The following DDX19B variants were observed in gnomAD, a reference collection of about 807,000 sequenced individuals.
DDX19B encodes the protein DEAD-box helicase 19B.
A neutral mutation model predicts 58.1 loss-of-function variants in DDX19B; 27 were observed. The observed-to-expected ratio is 0.46, with a 90% CI of 0.34 to 0.64. The LOEUF (loss-of-function observed/expected upper bound fraction) is 0.64, where lower values mean the gene tolerates loss of function less well. Among genes scored for constraint, DDX19B ranks in the 30% least tolerant of loss-of-function variants. DDX19B has a pLI of 0.01. For missense variants in DDX19B, 399 were observed against 596.5 expected, an observed-to-expected ratio of 0.67 and a Z score of 3.45; for synonymous variants, 187 against 214.4, an observed-to-expected ratio of 0.87 and a Z score of 1.12.
At chr16:70,325,310 G>C (rs1300221355) in intron 6 of DDX19B, among the ~76,000 whole-genome samples, 1 of 152,180 alleles carries the variant, frequency 6.6e-6, no homozygotes, top group Non-Finnish European at 1.5e-5. Context: ...AATGCCAATT[G>C]GAACTTTAGA....
At chr16:70,303,723 A>AT (rs970763911) in intron 1 of DDX19B, among the ~76,000 whole-genome samples, 7 of 150,438 alleles carry the variant, frequency 4.7e-5, no homozygotes, top group Non-Finnish European at 8.9e-5. Context: ...CGCCAGGCTA[A>AT]TTTTTTTTTG....
At chr16:70,315,220 CAA>C (rs765908935) in intron 3 of DDX19B, among the ~76,000 whole-genome samples, 29 of 95,206 alleles carry the variant, frequency 3.0e-4, no homozygotes, top group African/African-American at 3.7e-4. Context: ...ACTAAAAATA[CAA>C]AAAAAAAAAA....
At chr16:70,333,314 G>C (rs1436315122) in intron 11 of DDX19B, among the ~76,000 whole-genome samples, 155 bp downstream of exon 11, 1 of 152,026 alleles carries the variant, frequency 6.6e-6, no homozygotes, top group African/African-American at 2.4e-5. Context: ...AGCACACCTG[G>C]AGACTTCAGG....
At chr16:70,305,494 A>G (rs74024196) in intron 1 of DDX19B, among the ~76,000 whole-genome samples, 10,883 of 152,218 alleles carry the variant, frequency 0.071, 1,309 homozygotes, top group African/African-American at 0.25. Context: ...ATATGTAAAT[A>G]TCTATTTAGA....
chr16:70,303,627 G>C (rs1019362078), intron 1 of DDX19B, among the ~76,000 whole-genome samples: 12 of 152,278 alleles, frequency 7.9e-5, no homozygotes, highest in African/African-American at 2.9e-4. Flanking sequence ...TGCCATCTCG[G>C]CTCACTGCAA....
At chr16:70,333,239 G>A (rs1186933360) in intron 11 of DDX19B, 80 bp downstream of exon 11, 2 of 726,006 alleles carry the variant, frequency 2.8e-6, no homozygotes, top group Admixed American at 5.7e-5. Context: ...ATCTTCTGTA[G>A]CCCCAAGAGA....
chr16:70,318,718 C>A lies in DDX19B; in HGVS notation c.389+1130C>A, dbSNP rs1481643108. Among the ~76,000 whole-genome samples the A allele has an allele frequency of 3.3e-5, 5 of 151,284 alleles. No homozygotes were observed. In the East Asian group the frequency reaches 9.7e-4, roughly 29 times the overall value. ...GGCTGAGGCAGGAGAATCGGTTGAA[C>A]CTGGGAGGCAGGGGTTACAGTGAGC... On this transcript the variant is annotated intron_variant, in intron 5 of 11. Transcript: ENST00000288071.
intron 7 of DDX19B, among the ~76,000 whole-genome samples, chr16:70,328,467 AT>A (rs1963298824): frequency 6.8e-6 from 1 of 146,716 alleles, no homozygotes; most frequent in Non-Finnish European, 1.5e-5. Flanking sequence ...GGTTCAAGCG[AT>A]TCTCCTGCCC....
At chr16:70,307,505 A>G (rs572074121) in intron 1 of DDX19B, among the ~76,000 whole-genome samples, 4 of 151,716 alleles carry the variant, frequency 2.6e-5, no homozygotes, top group Admixed American at 2.0e-4. Flanking sequence ...TGGGATTACA[A>G]GCACGTGCCA....
upstream of DDX19B, among the ~76,000 whole-genome samples, chr16:70,291,683 C>T (rs1332400614): frequency 1.3e-5 from 2 of 151,970 alleles, no homozygotes; most frequent in African/African-American, 2.4e-5. Context: ...TGGTGGCGGG[C>T]GCCTGTAGTC....
At chr16:70,324,549 A>G (rs758012128) in intron 5 of DDX19B, 36 bp from the exon 6 acceptor site, 1 of 1,575,794 alleles carries the variant, frequency 6.3e-7, no homozygotes, top group South Asian at 1.1e-5. Context: ...TAAAAGGTTG[A>G]GATTTAAGCT....
chr16:70,319,053 G>A (rs1017760156), intron 5 of DDX19B, among the ~76,000 whole-genome samples: 19 of 152,110 alleles, frequency 1.2e-4, no homozygotes, highest in Admixed American at 7.9e-4. Flanking sequence ...GCAGTGAGCC[G>A]AGATCACGCC....
In DDX19B at chr16:70,325,570, C is replaced by T. The variant is rs1442995702; in HGVS notation, c.493-4C>T. Reference sequence around the variant, plus strand: ...ATTTGCACTCTGCATTCTTTTCCTGCCAGTGTCTATGTCTCTCCCCAACGT... The same window carrying T: ...ATTTGCACTCTGCATTCTTTTCCTGTCAGTGTCTATGTCTCTCCCCAACGT... On this transcript the variant is annotated splice_region_variant and splice_polypyrimidine_tract_variant and intron_variant, in intron 6 of 11. Transcript: ENST00000288071. 1 of 1,603,778 alleles carries T rather than the reference C, an allele frequency of 6.2e-7. No individual in the cohort carries two copies. The highest frequency in any genetic ancestry group is 1.1e-5 in the South Asian group (1 of 90,340).
At chr16:70,290,725 A>C (rs1961039311), upstream of DDX19B, among the ~76,000 whole-genome samples, 1 of 152,124 alleles carries the variant, frequency 6.6e-6, no homozygotes, top group Non-Finnish European at 1.5e-5. Context: ...TACGTGAGGC[A>C]TTGCATCAAA....
intron 4 of DDX19B, 123 bp from the exon 5 acceptor site, chr16:70,317,371 ACT>A (rs1461896763): frequency 6.1e-6 from 4 of 656,546 alleles, no homozygotes; most frequent in Non-Finnish European, 7.6e-6. Flanking sequence ...ATAGATCGAG[ACT>A]CTGCTCAAAA....
chr16:70,294,720 C>G, upstream of DDX19B: 1 of 664,414 alleles, frequency 1.5e-6, no homozygotes, highest in Non-Finnish European at 2.3e-6. Flanking sequence ...GGGCGCGTGC[C>G]CGAGCGCTGT....
chr16:70,329,160 T>C (rs1187455762), intron 7 of DDX19B, 132 bp from the exon 8 acceptor site: 2 of 1,226,762 alleles, frequency 1.6e-6, no homozygotes, highest in Non-Finnish European at 2.2e-6. Context: ...GCGGCAGAGG[T>C]TGCAGTGAGT....
At chr16:70,311,099 C>T (rs1412085791) in intron 1 of DDX19B, among the ~76,000 whole-genome samples, 1 of 143,764 alleles carries the variant, frequency 7.0e-6, no homozygotes, top group East Asian at 2.2e-4. Flanking sequence ...AAAGGCCGGG[C>T]GTGGCAGCTC....
At chr16:70,331,660 G>A (rs1963482866) in intron 9 of DDX19B, 62 bp from the exon 10 acceptor site, 3 of 1,561,798 alleles carry the variant, frequency 1.9e-6, no homozygotes, top group Non-Finnish European at 1.7e-6. Context: ...CCACTTTTTA[G>A]CAGTTGTCTT....
Sources: allele counts gnomAD v4.1 joint callset (sites outside exome capture counted in the v4.1 genomes callset), GRCh38; gene constraint gnomAD v4.1.1; transcripts MANE v1.5; gene names NCBI Gene and HGNC (gene_info 2026-07-23, HGNC 2026-07-21).